Variants in FCGR3A observed in about 807,000 individuals in gnomAD.
FCGR3A encodes the protein low affinity immunoglobulin gamma Fc region receptor III-A.
FCGR3A carries 13 observed loss-of-function variants against 24.1 expected under a neutral mutation model. The observed-to-expected ratio is 0.54, with a 90% confidence interval of 0.35 to 0.86. The LOEUF is 0.86. Ranked by LOEUF, FCGR3A falls within the 40% of genes least tolerant of loss-of-function variation. FCGR3A has a pLI of 0.01. For synonymous variants in FCGR3A, 93 were observed against 112.2 expected, an observed-to-expected ratio of 0.83 and a Z score of 1.08; for missense variants, 235 against 298.0, an observed-to-expected ratio of 0.79 and a Z score of 1.56.
At chr1:161,549,137 C>G in intron 1 of FCGR3A, 106 bp from the exon 2 acceptor site, 1 of 905,082 alleles carries the variant, frequency 1.1e-6, no homozygotes, top group Non-Finnish European at 1.8e-6. Flanking sequence ...CCCAGGAGCC[C>G]AATTTTCCCA....
At chr1:161,543,624 G>A (rs1249892913) in intron 4 of FCGR3A, among the ~76,000 whole-genome samples, 3 of 151,646 alleles carry the variant, frequency 2.0e-5, no homozygotes, top group African/African-American at 2.4e-5. Context: ...GTTTAATCTC[G>A]TATATCCTTT....
intron 3 of FCGR3A, chr1:161,545,409 A>G (rs2102524031): frequency 1.2e-5 from 2 of 164,448 alleles, no homozygotes; most frequent in Middle Eastern, 3.0e-3. Context: ...GAATATTGAA[A>G]GACTCTTGTG....
rs1275490811 is a variant in FCGR3A, at chr1:161,542,483, T to G, written c.*529A>C. ...AGACACCCTTATCTCTGGGCTCAGA[T>G]GGGAACACCTCCCTTAGACTATCCT... On this transcript the variant is annotated 3_prime_UTR_variant, in exon 5 of 5. Coordinates refer to ENST00000443193, the MANE Select transcript of FCGR3A (RefSeq NM_000569.8). 1.3e-5 allele frequency: 2 copies of G among 152,480 alleles called. No homozygotes were observed. The highest frequency in any genetic ancestry group is 2.9e-5 in the Non-Finnish European group (2 of 68,244). The allele number at this position is 152,480 out of a possible 1,614,324, so 9.4% of individuals were successfully genotyped here. A position where few individuals can be genotyped will look rare whatever the true frequency, so the allele number is the denominator to read the frequency against.
rs372137721 is a variant in FCGR3A, at chr1:161,549,684, G to T, written c.40+13C>A. 5.1e-5 allele frequency: 82 copies of T among 1,610,766 alleles called. No homozygotes were observed. The highest frequency in any genetic ancestry group is 3.0e-4 in the South Asian group (27 of 90,766). On this transcript the variant is annotated intron_variant, in intron 1 of 4. Coordinates refer to ENST00000443193, the MANE Select transcript of FCGR3A (RefSeq NM_000569.8). ...CTCAAACTTCTCCCTCAACCAGGGAGACCCTGACTTACCTAGAAGTAGCAG... is the reference window on the plus strand; with the variant it reads ...CTCAAACTTCTCCCTCAACCAGGGATACCCTGACTTACCTAGAAGTAGCAG...
intron 3 of FCGR3A, among the ~76,000 whole-genome samples, chr1:161,547,993 C>A (rs1677511929): frequency 6.6e-6 from 1 of 152,290 alleles, no homozygotes; most frequent in Non-Finnish European, 1.5e-5. Flanking sequence ...TCACTACAAC[C>A]CAAGGGGGCA....
At chr1:161,549,557 C>T in intron 1 of FCGR3A, 140 bp downstream of exon 1, 9 of 1,464,596 alleles carry the variant, frequency 6.1e-6, no homozygotes, top group Non-Finnish European at 8.1e-6. Flanking sequence ...TTGGCTTGTC[C>T]TAGGAGCTCA....
At chr1:161,544,038 A>C (rs1677264915) in intron 4 of FCGR3A, among the ~76,000 whole-genome samples, 1 of 152,082 alleles carries the variant, frequency 6.6e-6, no homozygotes. Flanking sequence ...AGGGAAACTT[A>C]TTTATTTATT....
intron 3 of FCGR3A, among the ~76,000 whole-genome samples, chr1:161,546,770 T>G (rs947919790): frequency 1.3e-5 from 2 of 151,900 alleles, no homozygotes; most frequent in African/African-American, 4.8e-5. Context: ...CCGGGCGTGG[T>G]GGCATGCACC....
chr1:161,545,070 A>G, intron 3 of FCGR3A, 112 bp from the exon 4 acceptor site: 3 of 1,407,178 alleles, frequency 2.1e-6, no homozygotes, highest in Non-Finnish European at 2.9e-6. Context: ...CCAGATTGGG[A>G]GTCAACCCTG....
At chr1:161,543,409 A>G (rs1572011919) in intron 4 of FCGR3A, among the ~76,000 whole-genome samples, 1 of 152,130 alleles carries the variant, frequency 6.6e-6, no homozygotes, top group Admixed American at 6.6e-5. Flanking sequence ...CCAAACACTG[A>G]GCAAAGGCTC....
intron 4 of FCGR3A, 126 bp from the exon 5 acceptor site, chr1:161,543,325 G>C: frequency 9.1e-7 from 1 of 1,097,922 alleles, no homozygotes; most frequent in Non-Finnish European, 1.3e-6. Context: ...GGAATGGTGG[G>C]GAAGTCTGGG....
chr1:161,545,635 A>G (rs1427615603), intron 3 of FCGR3A: 1 of 151,976 alleles, frequency 6.6e-6, no homozygotes, highest in Non-Finnish European at 1.5e-5. Context: ...GCTTATTCTC[A>G]CGATCATGTC....
At chr1:161,549,550 G>A (rs1375370236) in intron 1 of FCGR3A, 147 bp downstream of exon 1, 1 of 1,451,242 alleles carries the variant, frequency 6.9e-7, no homozygotes, top group Admixed American at 2.8e-5. Context: ...CCCCATCTTG[G>A]CTTGTCCTAG....
rs3181668 is a variant in FCGR3A at position 161,542,884 on chromosome 1, G to A, written c.*128C>T. 7.4e-5 allele frequency: 54 copies of A among 730,190 alleles called. No individual in the cohort carries two copies. The highest frequency in any genetic ancestry group is 4.2e-4 in the Middle Eastern group (1 of 2,398). The allele number at this position is 730,190 out of a possible 1,614,324, so 45.2% of individuals were successfully genotyped here. ...CAAGGAAAAGTCGAGAGTTGGATAA[G>A]GGATCTGGCTCTGAGTTCTATGTTT... On this transcript the variant is annotated 3_prime_UTR_variant, in exon 5 of 5. Coordinates refer to ENST00000443193, the MANE Select transcript of FCGR3A (RefSeq NM_000569.8).
chr1:161,549,579 T>A (rs1183862931), intron 1 of FCGR3A, 118 bp downstream of exon 1: 2 of 1,506,390 alleles, frequency 1.3e-6, no homozygotes, highest in Non-Finnish European at 1.8e-6. Context: ...TCCACAGCTA[T>A]AGATGTGGTG....
Position 161,542,100 on chromosome 1 carries a change from T to C in FCGR3A, c.*912A>G, listed in dbSNP as rs1677140371. ...AAAGGTGGTTTTACAGTCCCTGCAT[T>C]AACCTCTAATTCTTACTACCCTGGC... On this transcript the variant is annotated 3_prime_UTR_variant, in exon 5 of 5. Coordinates refer to ENST00000443193, the MANE Select transcript of FCGR3A (RefSeq NM_000569.8). 1.3e-5 allele frequency: 2 copies of C among 152,312 alleles called. No homozygotes were observed. The highest frequency in any genetic ancestry group is 2.9e-5 in the Non-Finnish European group (2 of 68,040). The allele number at this position is 152,312 out of a possible 1,614,324, so 9.4% of individuals were successfully genotyped here. A position where few individuals can be genotyped will look rare whatever the true frequency, so the allele number is the denominator to read the frequency against.
intron 4 of FCGR3A, among the ~76,000 whole-genome samples, chr1:161,544,089 C>G (rs1266609580): frequency 2.0e-5 from 3 of 152,236 alleles, no homozygotes; most frequent in Non-Finnish European, 4.4e-5. Flanking sequence ...GGAATATTAC[C>G]TATCTCATGT....
Position 161,542,968 on chromosome 1 carries a change from G to A in FCGR3A, c.*44C>T. 6.7e-7 allele frequency: 1 copy of A among 1,496,742 alleles called. No individual in the cohort carries two copies. The highest frequency in any genetic ancestry group is 9.1e-7 in the Non-Finnish European group (1 of 1,095,840). 92.7% of individuals were successfully genotyped at this position (1,496,742 alleles called of 1,614,324 possible). On this transcript the variant is annotated 3_prime_UTR_variant, in exon 5 of 5. Transcript: ENST00000443193. ...GGTTGCAAATCCAGAGAAATGTTCA[G>A]AGATGCTGCTGCTACTGCTCTTATT...
At chr1:161,550,017 A>T (rs1163275057), upstream of FCGR3A, 1 of 704,684 alleles carries the variant, frequency 1.4e-6, no homozygotes, top group Non-Finnish European at 2.4e-6. Flanking sequence ...ATCTGAGGAC[A>T]CACACAGAAT....
Sources: gnomAD v4.1 joint callset for allele counts (sites outside exome capture counted in the v4.1 genomes callset) on GRCh38, gnomAD v4.1.1 for gene constraint, MANE v1.5 for transcripts, NCBI Gene and HGNC (gene_info 2026-07-23, HGNC 2026-07-21) for gene names.